Variants in MID1 observed in about 807,000 individuals in gnomAD.
MID1 encodes the protein midline 1.
MID1 carries 7 observed loss-of-function variants against 40.4 expected under a neutral mutation model. That is an observed-to-expected ratio of 0.17 (90% confidence interval 0.10 to 0.33). The LOEUF is 0.33. Among genes scored for constraint, MID1 ranks in the 10% least tolerant of loss-of-function variants. MID1 has a pLI of 1.00. For synonymous variants in MID1, 229 were observed against 221.2 expected, an observed-to-expected ratio of 1.04 and a Z score of -0.31; for missense variants, 367 against 558.5, an observed-to-expected ratio of 0.66 and a Z score of 3.46.
intron 1 of MID1, among the ~76,000 whole-genome samples, chrX:10,825,619 T>C (rs1376016362): frequency 9.0e-6 from 1 of 111,392 alleles, no homozygotes; most frequent in African/African-American, 3.3e-5. Flanking sequence ...AGAAAAGCAA[T>C]GTAGCTTATT....
At chrX:10,640,400 C>T (rs111250030) in intron 1 of MID1, among the ~76,000 whole-genome samples, 12 of 110,237 alleles carry the variant, frequency 1.1e-4, no homozygotes, top group Admixed American at 1.9e-4. Flanking sequence ...AACCAACAAA[C>T]ATCAAAAGGG....
At chrX:10,611,458 C>A (rs1417210556) in intron 1 of MID1, among the ~76,000 whole-genome samples, 1 of 111,827 alleles carries the variant, frequency 8.9e-6, no homozygotes, top group African/African-American at 3.3e-5. Context: ...ATGAAAAGGG[C>A]AAATTTAAGG....
At chrX:10,659,847 G>T (rs1290736359) in intron 1 of MID1, among the ~76,000 whole-genome samples, 2 of 111,896 alleles carry the variant, frequency 1.8e-5, no homozygotes, top group Admixed American at 1.9e-4. Flanking sequence ...CCTTATGATT[G>T]TCTAAAGTGT....
intron 1 of MID1, among the ~76,000 whole-genome samples, chrX:10,833,312 G>T (rs1234108256): frequency 2.7e-5 from 3 of 111,946 alleles, no homozygotes. Context: ...GTATAGAAAC[G>T]CTTGCCTAGG....
At chrX:10,711,974 T>C (rs1481683533) in intron 1 of MID1, among the ~76,000 whole-genome samples, 2 of 112,135 alleles carry the variant, frequency 1.8e-5, no homozygotes, top group Non-Finnish European at 3.8e-5. Flanking sequence ...CAGGACAGCC[T>C]CCCACACTAA....
At chrX:10,465,205 A>ATATATATATATG (rs1426060344) in intron 7 of MID1, among the ~76,000 whole-genome samples, 1 of 69,922 alleles carries the variant, frequency 1.4e-5, no homozygotes, top group Non-Finnish European at 2.6e-5. Context: ...ATATATATAT[A>ATATATATATATG]TATATATATA....
rs778526464 is a variant in MID1 at position 10,601,757 on chromosome X, AT to A, written c.-57+18532del. 7.3e-5 allele frequency among the ~76,000 whole-genome samples: 8 copies of A among 109,613 alleles called. No homozygotes were observed. The East Asian group carries it at 8.6e-4, about 12-fold the overall frequency. The stretch of plus-strand genomic sequence containing the variant: ...CACACACACGTACGTGTGCACACAC[AT>A]TTTTTTTTCCAATTATTGGGAATGG... On this transcript the variant is annotated intron_variant, in intron 1 of 9. Coordinates refer to ENST00000317552, the MANE Select transcript of MID1 (RefSeq NM_000381.4).
At chrX:10,458,264 ATTCTC>A (rs1928804616) in intron 8 of MID1, among the ~76,000 whole-genome samples, 1 of 112,381 alleles carries the variant, frequency 8.9e-6, no homozygotes, top group African/African-American at 3.2e-5. Flanking sequence ...ATCATGTTAT[ATTCTC>A]TTATGTACTT....
At chrX:10,622,048 A>G (rs1331081383), upstream of MID1, among the ~76,000 whole-genome samples, 1 of 106,999 alleles carries the variant, frequency 9.3e-6, no homozygotes, top group African/African-American at 3.4e-5. Context: ...GTGGTTCTTA[A>G]ACTTGAGGGT....
At chrX:10,578,898 T>C (rs2147488377) in intron 1 of MID1, among the ~76,000 whole-genome samples, 1 of 112,642 alleles carries the variant, frequency 8.9e-6, no homozygotes, top group Admixed American at 9.4e-5. Context: ...AATGTATTTA[T>C]AGTTTGATAG....
chrX:10,454,821 T>G, intron 9 of MID1, 49 bp downstream of exon 9: 33 of 1,043,239 alleles, frequency 3.2e-5, no homozygotes, highest in Non-Finnish European at 3.6e-5. Flanking sequence ...AAGTACAGAA[T>G]GAGATGTGCC....
intron 1 of MID1, among the ~76,000 whole-genome samples, chrX:10,769,145 C>T (rs757552851): frequency 8.9e-6 from 1 of 111,848 alleles, no homozygotes; most frequent in East Asian, 2.8e-4. Context: ...CCTGCTCTGC[C>T]TATTTAGAAA....
chrX:10,722,107 T>C (rs1202487203), intron 1 of MID1, among the ~76,000 whole-genome samples: 4 of 106,175 alleles, frequency 3.8e-5, no homozygotes, highest in South Asian at 7.7e-4. Flanking sequence ...AAAGCAAGCA[T>C]ATGGCTGCAA....
At chrX:10,504,186 G>C (rs1931702615) in intron 3 of MID1, among the ~76,000 whole-genome samples, 1 of 111,366 alleles carries the variant, frequency 9.0e-6, no homozygotes, top group African/African-American at 3.3e-5. Context: ...GTATGTTATT[G>C]GGCATTTACT....
intron 1 of MID1, chrX:10,576,876 C>T (rs996679829): frequency 1.8e-5 from 2 of 109,558 alleles, no homozygotes; most frequent in African/African-American, 3.3e-5. Context: ...CGAGACCAGA[C>T]GGTGGGTGGC....
chrX:10,594,370 C>T (rs945410884), intron 1 of MID1, among the ~76,000 whole-genome samples: 1 of 111,467 alleles, frequency 9.0e-6, no homozygotes, highest in Admixed American at 9.5e-5. Context: ...CCCTGAAGAA[C>T]GATAATGACA....
At chrX:10,626,181 T>G (rs1935993757) in intron 1 of MID1, among the ~76,000 whole-genome samples, 1 of 111,187 alleles carries the variant, frequency 9.0e-6, no homozygotes, top group Non-Finnish European at 1.9e-5. Context: ...CAGAGACTAC[T>G]GGTAGCCAAT....
chrX:10,509,562 C>T (rs748474368), intron 3 of MID1, among the ~76,000 whole-genome samples: 2 of 111,552 alleles, frequency 1.8e-5, no homozygotes. Context: ...TCATTTTTGA[C>T]TTCCCTTTGT....
intron 1 of MID1, among the ~76,000 whole-genome samples, chrX:10,737,305 C>G (rs1443522092): frequency 3.6e-5 from 4 of 112,488 alleles, no homozygotes; most frequent in African/African-American, 1.3e-4. Flanking sequence ...CAAATATATA[C>G]ACCAGGTCCC....
Sources: allele counts gnomAD v4.1 joint callset (sites outside exome capture counted in the v4.1 genomes callset), GRCh38; gene constraint gnomAD v4.1.1; transcripts MANE v1.5; gene names NCBI Gene and HGNC (gene_info 2026-07-23, HGNC 2026-07-21).